SCAPER: variants seen among roughly 807,000 people sequenced by gnomAD.
SCAPER encodes the protein S-phase cyclin A associated protein in the ER.
A neutral mutation model predicts 182.2 loss-of-function variants in SCAPER; 98 were observed. The observed-to-expected ratio is 0.54, with a 90% CI of 0.46 to 0.64. The LOEUF (loss-of-function observed/expected upper bound fraction) is 0.64, where lower values mean the gene tolerates loss of function less well. SCAPER is among the 30% of genes least tolerant of loss of function. The pLI, the probability that SCAPER is intolerant of heterozygous loss-of-function variation, is 0.00. For missense variants in SCAPER, 1,432 were observed against 1,690.0 expected (o/e 0.85, Z 2.68); for synonymous variants, 605 against 564.6 (o/e 1.07, Z -1.01).
chr15:76,642,458 TA>T (rs2054175352), intron 21 of SCAPER, among the ~76,000 whole-genome samples: 1 of 152,206 alleles, frequency 6.6e-6, no homozygotes, highest in Admixed American at 6.5e-5. Flanking sequence ...GAATAATCAA[TA>T]TATCATCCAA....
chr15:76,497,979 G>C (rs952190189), intron 24 of SCAPER, among the ~76,000 whole-genome samples: 2 of 101,094 alleles, frequency 2.0e-5, no homozygotes, highest in Non-Finnish European at 3.6e-5. Context: ...GATGGAGCGA[G>C]ACTCCGTCTC....
intron 22 of SCAPER, among the ~76,000 whole-genome samples, chr15:76,587,442 T>C (rs1340265785): frequency 1.3e-5 from 2 of 152,186 alleles, no homozygotes; most frequent in African/African-American, 4.8e-5. Flanking sequence ...TGAACAACTT[T>C]CCTCTTTGCT....
intron 21 of SCAPER, among the ~76,000 whole-genome samples, chr15:76,662,028 G>C (rs2056220216): frequency 6.6e-6 from 1 of 152,180 alleles, no homozygotes; most frequent in East Asian, 1.9e-4. Flanking sequence ...CAGGTCCTTT[G>C]CAGGGACATG....
intron 24 of SCAPER, among the ~76,000 whole-genome samples, chr15:76,500,865 C>T (rs899116146): frequency 1.3e-5 from 2 of 151,754 alleles, no homozygotes; most frequent in African/African-American, 4.8e-5. Context: ...CATCGTGAAA[C>T]CCTGTCTCTA....
chr15:76,381,758 A>G, intron 27 of SCAPER, 143 bp from the exon 28 acceptor site: 2 of 679,752 alleles, frequency 2.9e-6, no homozygotes, highest in Non-Finnish European at 4.9e-6. Context: ...ACTTCAAGGA[A>G]TAAATGCAGC....
chr15:76,850,265 A>G (rs2070599226), intron 4 of SCAPER, among the ~76,000 whole-genome samples: 1 of 152,234 alleles, frequency 6.6e-6, no homozygotes, highest in South Asian at 2.1e-4. Flanking sequence ...GGACTTTTTT[A>G]GCACACTACA....
intron 27 of SCAPER, among the ~76,000 whole-genome samples, chr15:76,386,153 CTTTA>C (rs2043274492): frequency 6.6e-6 from 1 of 152,198 alleles, no homozygotes; most frequent in Non-Finnish European, 1.5e-5. Context: ...TGCCTCCCGT[CTTTA>C]TTTATAAGGA....
intron 22 of SCAPER, 22 bp from the exon 23 acceptor site, chr15:76,574,306 A>G: frequency 6.2e-7 from 1 of 1,606,956 alleles, no homozygotes; most frequent in South Asian, 1.1e-5. Context: ...AATGAAAGGA[A>G]AGAATGACAT....
intron 13 of SCAPER, 123 bp from the exon 14 acceptor site, chr15:76,765,195 A>G: frequency 9.7e-7 from 1 of 1,029,082 alleles, no homozygotes; most frequent in Non-Finnish European, 1.4e-6. Flanking sequence ...ACATTTCGGG[A>G]AAGCTTTGTT....
intron 14 of SCAPER, among the ~76,000 whole-genome samples, chr15:76,760,718 A>G (rs542749264): frequency 5.9e-5 from 9 of 152,340 alleles, no homozygotes; most frequent in Non-Finnish European, 1.3e-4. Flanking sequence ...AGATGCTCTT[A>G]TCACTCAAGA....
At chr15:76,646,182 A>C (rs1034539068) in intron 21 of SCAPER, among the ~76,000 whole-genome samples, 1 of 152,174 alleles carries the variant, frequency 6.6e-6, no homozygotes, top group African/African-American at 2.4e-5. Context: ...AAGACATAGT[A>C]CAGTTAGCCC....
At chr15:76,357,993 T>C (rs2041119484) in intron 29 of SCAPER, among the ~76,000 whole-genome samples, 1 of 152,192 alleles carries the variant, frequency 6.6e-6, no homozygotes, top group Admixed American at 6.5e-5. Flanking sequence ...GTACAACGTA[T>C]ACTATTCAGG....
At position 76,702,861 on chromosome 15, in the gene SCAPER, A is replaced by G. The variant is rs752141284; in HGVS notation, c.2389T>C (p.Cys797Arg). The G allele has an allele frequency of 1.9e-6, 3 of 1,605,216 alleles. No homozygotes were observed. The highest frequency in any genetic ancestry group is 1.1e-5 in the South Asian group (1 of 88,454). The change falls in exon 19 of 32, where the codon TGC becomes CGC. Residue 797 changes from cysteine (C) to arginine (R), a missense_variant. By Grantham distance (180) the Cys-to-Arg change is radical. Around this residue, in one of 5 missense-constraint regions of SCAPER, gnomAD observed 718 missense variants for 799.7 expected, o/e 0.90. Coordinates refer to ENST00000563290, the MANE Select transcript of SCAPER (RefSeq NM_020843.4). Reference protein sequence around the residue: ...PYERKKQCSLCNVLISSEVYL... With the variant: ...PYERKKQCSLRNVLISSEVYL... ...ATATAACAACCTACCAGGACATTGC[A>G]GAGAGAACACTGCTTCTTTCTTTCA...
Position 76,901,941 on chromosome 15 carries a change from G to T in SCAPER, c.-60+3358C>A, listed in dbSNP as rs7166156. Among the ~76,000 whole-genome samples, 1,230 of 151,972 alleles carry T rather than the reference G, an allele frequency of 8.1e-3. 13 individuals are homozygous for T. The highest frequency in any genetic ancestry group is 0.028 in the African/African-American group (1,166 of 41,440). On this transcript the variant is annotated intron_variant, in intron 1 of 31. Transcript: ENST00000563290. ...TCACCGTGTTAGCCAGGATGGTCTC[G>T]ATCTCCTGACCTTGTGATCTGCCCA...
intron 3 of SCAPER, among the ~76,000 whole-genome samples, chr15:76,858,114 T>C (rs929911901): frequency 3.3e-5 from 5 of 152,170 alleles, no homozygotes; most frequent in Non-Finnish European, 7.4e-5. Flanking sequence ...ACTGCTATTA[T>C]TGAATACCTT....
chr15:76,671,757 G>A (rs1478895662), intron 20 of SCAPER, among the ~76,000 whole-genome samples: 1 of 151,288 alleles, frequency 6.6e-6, no homozygotes, highest in African/African-American at 2.4e-5. Flanking sequence ...GAGACAGAGC[G>A]AGACTCCGTT....
intron 21 of SCAPER, among the ~76,000 whole-genome samples, chr15:76,631,745 A>C (rs1030721024): frequency 6.6e-6 from 1 of 152,106 alleles, no homozygotes; most frequent in Non-Finnish European, 1.5e-5. Context: ...ACCTTGGAGA[A>C]TGTGAAGATT....
chr15:76,785,397 T>C (rs1396430672), intron 8 of SCAPER, among the ~76,000 whole-genome samples: 2 of 152,282 alleles, frequency 1.3e-5, no homozygotes, highest in African/African-American at 2.4e-5. Context: ...GGCAAGGACA[T>C]GGAAAAACAG....
chr15:76,357,423 A>C (rs1439562851), intron 29 of SCAPER, among the ~76,000 whole-genome samples: 1 of 152,210 alleles, frequency 6.6e-6, no homozygotes, highest in Admixed American at 6.5e-5. Flanking sequence ...ATCTTACACC[A>C]ATCAGAATGG....
Sources: allele counts gnomAD v4.1 joint callset (sites outside exome capture counted in the v4.1 genomes callset), GRCh38; gene constraint gnomAD v4.1.1; regional missense constraint gnomAD v4.1.1; transcripts MANE v1.5; gene names NCBI Gene and HGNC (gene_info 2026-07-23, HGNC 2026-07-21).